UGT1A6: variants seen among roughly 807,000 people sequenced by gnomAD.
The protein encoded by UGT1A6 is UDP glucuronosyltransferase family 1 member A6.
A neutral mutation model predicts 44.4 loss-of-function variants in UGT1A6; 32 were observed. The observed-to-expected ratio is 0.72, with a 90% CI of 0.54 to 0.97. The LOEUF is 0.97. Among genes scored for constraint, UGT1A6 ranks in the 50% least tolerant of loss-of-function variants. The pLI, the probability that UGT1A6 is intolerant of heterozygous loss-of-function variation, is 0.00. For synonymous variants in UGT1A6, 238 were observed against 248.5 expected (o/e 0.96, Z 0.40); for missense variants, 685 against 661.9 (o/e 1.03, Z -0.38).
intron 1 of UGT1A6, chr2:233,740,861 T>A (rs1691490325): frequency 6.6e-6 from 1 of 151,862 alleles, no homozygotes; most frequent in Admixed American, 6.5e-5. Flanking sequence ...TTCTAAAAAT[T>A]CTTTAAATAA....
Position 233,718,873 on chromosome 2 carries a change from T to A in UGT1A6, c.861+25008T>A, listed in dbSNP as rs139927449. ...CCGCGGCTGGCCACAGGACTGCTGC[T>A]CCTCCTCAGTGTCCAGCCCTGGGCT... On this transcript the variant is annotated intron_variant, in intron 1 of 4. Transcript: ENST00000305139. 339 of 1,613,914 alleles carry A rather than the reference T, an allele frequency of 2.1e-4. 1 individual carries two copies. Among genetic ancestry groups the A allele is most frequent in the Non-Finnish European group, 8.0e-5 (94 of 1,179,916 alleles).
chr2:233,728,968 T>C (rs1359858521), intron 1 of UGT1A6: 14 of 1,468,408 alleles, frequency 9.5e-6, no homozygotes, highest in Non-Finnish European at 1.3e-5. Context: ...AAAACAGTGA[T>C]AGATTAATGG....
At chr2:233,732,709 C>G (rs540969589) in intron 1 of UGT1A6, among the ~76,000 whole-genome samples, 1 of 150,878 alleles carries the variant, frequency 6.6e-6, no homozygotes, top group African/African-American at 2.4e-5. Context: ...GTTACTGTAG[C>G]CTTGTAGTAC....
Position 233,703,642 on chromosome 2 carries a change from A to G in UGT1A6, c.861+9777A>G, listed in dbSNP as rs548385935. 7.9e-5 allele frequency among the ~76,000 whole-genome samples: 12 copies of G among 152,246 alleles called. No individual in the cohort carries two copies. In the South Asian group the frequency reaches 2.5e-3, roughly 32 times the overall value. On this transcript the variant is annotated intron_variant, in intron 1 of 4. Transcript: ENST00000305139. ...TATTTTATCTGATATTAGTATAACCAATCTGCATTTCTTTTGGTTGCTGTT... is the reference window on the plus strand; with the variant it reads ...TATTTTATCTGATATTAGTATAACCGATCTGCATTTCTTTTGGTTGCTGTT...
chr2:233,767,266 T>A (rs1028095369), intron 2 of UGT1A6, 101 bp downstream of exon 2: 5 of 1,587,970 alleles, frequency 3.1e-6, no homozygotes, highest in Non-Finnish European at 4.3e-6. Flanking sequence ...AACCTTAGAT[T>A]TGGCTTTTCC....
chr2:233,718,420 C>A (rs1464561381), intron 1 of UGT1A6, among the ~76,000 whole-genome samples: 1 of 152,172 alleles, frequency 6.6e-6, no homozygotes, highest in Non-Finnish European at 1.5e-5. Flanking sequence ...CAGCAGAGAA[C>A]ATGTGGTTGG....
In UGT1A6 at chr2:233,772,556, T is replaced by C; in HGVS notation, c.1596T>C (p.His532=). ...AGAAAGCCCACAAATCCAAGACCCA[T>C]TGAGAAGTGGGTGGGAAATAAGGTA... is the stretch of plus-strand genomic sequence containing the variant. ...RVKKAHKSKT[H] The change falls in exon 5 of 5, where the codon CAT becomes CAC. Residue 532 remains histidine, a synonymous_variant. Transcript: ENST00000305139. 2.5e-6 allele frequency: 4 copies of C among 1,613,872 alleles called. No homozygotes were observed. The highest frequency in any genetic ancestry group is 2.7e-5 in the African/African-American group (2 of 75,014).
At chr2:233,760,585 T>A (rs2125986328) in intron 1 of UGT1A6, 2 of 1,614,208 alleles carry the variant, frequency 1.2e-6, no homozygotes, top group Non-Finnish European at 8.5e-7. Flanking sequence ...GCATAATGTT[T>A]TTGAGAATGA....
At chr2:233,711,662 CTA>C (rs1575496334) in intron 1 of UGT1A6, among the ~76,000 whole-genome samples, 1 of 152,198 alleles carries the variant, frequency 6.6e-6, no homozygotes, top group Non-Finnish European at 1.5e-5. Flanking sequence ...AAGGTGGAAT[CTA>C]TTATCAATGT....
chr2:233,723,456 C>T (rs548922303), intron 1 of UGT1A6, among the ~76,000 whole-genome samples: 9 of 138,712 alleles, frequency 6.5e-5, no homozygotes, highest in South Asian at 2.7e-4. Flanking sequence ...GTGATCCACC[C>T]GCCTCAGCCT....
At position 233,772,539 on chromosome 2, in the gene UGT1A6, C is replaced by T; in HGVS notation, c.1579C>T (p.His527Tyr). 1.9e-6 allele frequency: 3 copies of T among 1,614,040 alleles called. No homozygotes were observed. The East Asian group carries it at 6.7e-5, about 36-fold the overall frequency. The change falls in exon 5 of 5, where the codon CAC becomes TAC. Residue 527 changes from histidine to tyrosine, a missense_variant. His to Tyr is a moderately conservative substitution (Grantham distance 83). Transcript: ENST00000305139. Reference protein sequence around the residue: ...LGKKGRVKKAHKSKTH With the variant: ...LGKKGRVKKAYKSKTH ...GAAAAAAGGGCGAGTTAAGAAAGCC[C>T]ACAAATCCAAGACCCATTGAGAAGT...
At chr2:233,719,414 A>G (rs1348956274) in intron 1 of UGT1A6, 9 of 1,613,880 alleles carry the variant, frequency 5.6e-6, no homozygotes, top group Non-Finnish European at 7.6e-6. Context: ...CTAAGTTACT[A>G]ACGACCAATT....
intron 3 of UGT1A6, 134 bp from the exon 4 acceptor site, chr2:233,768,086 A>T: frequency 1.3e-6 from 2 of 1,591,428 alleles, no homozygotes; most frequent in Non-Finnish European, 8.6e-7. Flanking sequence ...ATCTCAACCC[A>T]CATTTTCTTC....
chr2:233,706,051 C>T (rs908394326), intron 1 of UGT1A6, among the ~76,000 whole-genome samples: 11 of 152,120 alleles, frequency 7.2e-5, no homozygotes, highest in Non-Finnish European at 1.3e-4. Flanking sequence ...GCCGAGATCA[C>T]GCCACTGCAT....
At chr2:233,770,449 T>A (rs1700082466) in intron 4 of UGT1A6, 1 of 151,928 alleles carries the variant, frequency 6.6e-6, no homozygotes, top group Non-Finnish European at 1.5e-5. Flanking sequence ...AGGTTAGGAG[T>A]TCGAAACCAA....
chr2:233,723,031 G>A (rs925471070), intron 1 of UGT1A6, among the ~76,000 whole-genome samples: 9 of 143,556 alleles, frequency 6.3e-5, no homozygotes, highest in Admixed American at 1.4e-4. Context: ...AAGGGCCAGC[G>A]GGAGAGGCAG....
intron 1 of UGT1A6, among the ~76,000 whole-genome samples, chr2:233,700,721 A>G (rs183855349): frequency 6.2e-4 from 94 of 152,090 alleles, no homozygotes; most frequent in African/African-American, 2.1e-3. Context: ...TCTTTTTTTA[A>G]AAATTTTATT....
At chr2:233,720,540 C>T (rs1283139859) in intron 1 of UGT1A6, among the ~76,000 whole-genome samples, 3 of 152,068 alleles carry the variant, frequency 2.0e-5, no homozygotes, top group African/African-American at 7.2e-5. Context: ...CACCCTATCC[C>T]ACTCCAAGTT....
intron 1 of UGT1A6, among the ~76,000 whole-genome samples, chr2:233,705,148 AAG>A (rs939982250): frequency 6.6e-5 from 10 of 150,986 alleles, no homozygotes; most frequent in African/African-American, 4.9e-5. Context: ...AAAAAAAAAA[AAG>A]AGAGAGAGAG....
Sources: allele counts gnomAD v4.1 joint callset (sites outside exome capture counted in the v4.1 genomes callset), GRCh38; gene constraint gnomAD v4.1.1; transcripts MANE v1.5; gene names NCBI Gene and HGNC (gene_info 2026-07-23, HGNC 2026-07-21).